ABI3BP: variants seen among roughly 807,000 people sequenced by gnomAD.
The protein encoded by ABI3BP is target of Nesh-SH3.
In ABI3BP, 216 loss-of-function variants were observed where a neutral mutation model predicts 268.6. The observed-to-expected ratio is 0.80, with a 90% CI of 0.72 to 0.90. ABI3BP has a LOEUF of 0.90. ABI3BP is among the 40% of genes least tolerant of loss of function. The pLI is 0.00. For synonymous variants in ABI3BP, 730 were observed against 730.0 expected (o/e 1.00, Z 0.00); for missense variants, 2,090 against 2,182.4 (o/e 0.96, Z 0.84).
intron 51 of ABI3BP, among the ~76,000 whole-genome samples, chr3:100,801,917 A>C (rs188514550): frequency 4.2e-4 from 64 of 152,342 alleles, no homozygotes; most frequent in Non-Finnish European, 7.8e-4. Flanking sequence ...TGGCTTGCTC[A>C]ATTCTAAACG....
At chr3:100,811,333 A>G (rs1272704290) in intron 47 of ABI3BP, 56 bp from the exon 48 acceptor site, 15 of 1,240,076 alleles carry the variant, frequency 1.2e-5, no homozygotes, top group Middle Eastern at 2.0e-4. Context: ...AAGCTATAGC[A>G]TTTTTTTGAA....
chr3:100,964,331 T>A (rs1344021250), intron 1 of ABI3BP, among the ~76,000 whole-genome samples: 1 of 152,230 alleles, frequency 6.6e-6, no homozygotes, highest in Non-Finnish European at 1.5e-5. Context: ...TATGTAAATG[T>A]CATACCTGAT....
chr3:100,960,849 C>A (rs540206362), intron 1 of ABI3BP, among the ~76,000 whole-genome samples: 2 of 152,098 alleles, frequency 1.3e-5, no homozygotes, highest in African/African-American at 2.4e-5. Context: ...CCTGAATGAG[C>A]CTGGAAGTGG....
At position 100,885,553 on chromosome 3, in the gene ABI3BP, C is replaced by G; in HGVS notation, c.679G>C (p.Asp227His). 1 of 1,561,062 alleles carries G rather than the reference C, an allele frequency of 6.4e-7. No homozygotes were observed. Among genetic ancestry groups the G allele is most frequent in the Admixed American group, 1.9e-5 (1 of 53,224 alleles). Residue 227 changes from aspartate to histidine, a missense_variant, in exon 6 of 68, where the codon GAC becomes CAC. Asp to His is a moderately conservative substitution (Grantham distance 81, BLOSUM62 -1). Transcript: ENST00000471714. ...TTACATACCACTGTGTGGTCTTGGT[C>G]ATAGGTACTTTGGATTTTCCCATTT... ...KVNGKIQSTY[D>H]QDHTVPAYVP...
chr3:100,882,867 T>G (rs1410089929), intron 6 of ABI3BP, among the ~76,000 whole-genome samples: 2 of 152,112 alleles, frequency 1.3e-5, no homozygotes, highest in Non-Finnish European at 2.9e-5. Flanking sequence ...AGGTTAAGCA[T>G]GACAGCCAAG....
Position 100,778,271 on chromosome 3 carries a change from A to G in ABI3BP, c.4333+13T>C, listed in dbSNP as rs553334814. On this transcript the variant is annotated intron_variant, in intron 59 of 67. Coordinates refer to ENST00000471714, the MANE Select transcript of ABI3BP (RefSeq NM_001375547.2). ...AATCATGGCGGGAAAAGGAAGGTAC[A>G]TGACTAACGTACCTGCACTTCCTGG... 10 of 1,611,558 alleles carry G rather than the reference A, an allele frequency of 6.2e-6. No homozygotes were observed. In the African/African-American group the frequency reaches 9.3e-5, roughly 15 times the overall value.
At chr3:100,992,908 C>A (rs41273569) in intron 1 of ABI3BP, among the ~76,000 whole-genome samples, 1 of 152,172 alleles carries the variant, frequency 6.6e-6, no homozygotes, top group South Asian at 2.1e-4. Flanking sequence ...GTTTCAGAAC[C>A]AGCTTCTTTT....
At chr3:100,911,255 T>G (rs1356592721) in intron 2 of ABI3BP, 4 of 322,478 alleles carry the variant, frequency 1.2e-5, no homozygotes, top group African/African-American at 8.9e-5. Flanking sequence ...AGGTGGAGGT[T>G]GTTGTTACAG....
chr3:100,776,118 C>T (rs1359914225), intron 59 of ABI3BP, among the ~76,000 whole-genome samples: 3 of 152,200 alleles, frequency 2.0e-5, no homozygotes, highest in Non-Finnish European at 4.4e-5. Context: ...AAAACTGGAT[C>T]CATCCCAAGG....
chr3:100,842,770 TA>T, intron 20 of ABI3BP, among the ~76,000 whole-genome samples: 1 of 152,272 alleles, frequency 6.6e-6, no homozygotes, highest in Non-Finnish European at 1.5e-5. Context: ...TATTTGGGCT[TA>T]AAAAAAGATT....
chr3:100,786,505 A>T (rs1237643093), intron 57 of ABI3BP, among the ~76,000 whole-genome samples: 1 of 152,202 alleles, frequency 6.6e-6, no homozygotes, highest in Non-Finnish European at 1.5e-5. Context: ...AATCAGTATT[A>T]TAGTGAAGGT....
intron 20 of ABI3BP, among the ~76,000 whole-genome samples, chr3:100,845,294 T>C (rs7610609): frequency 0.27 from 40,713 of 152,056 alleles, 5,805 homozygotes; most frequent in African/African-American, 0.34. Flanking sequence ...CTTCTTCCCC[T>C]GAAAACCCTG....
intron 2 of ABI3BP, chr3:100,912,293 A>AG (rs2056938514): frequency 6.4e-6 from 1 of 156,084 alleles, no homozygotes; most frequent in Non-Finnish European, 1.4e-5. Context: ...AAAAAAAAAA[A>AG]AAAAAAAAAA....
At position 100,803,272 on chromosome 3, in the gene ABI3BP, G is replaced by A. The variant is rs963079144; in HGVS notation, c.3757+1520C>T. ...GTGTTGTTACAGGGATCAAGATCAC[G>A]GGTTAGAGTTTGTATGAAAAGCAAG... On this transcript the variant is annotated intron_variant, in intron 51 of 67. Transcript: ENST00000471714. Among the ~76,000 whole-genome samples the A allele has an allele frequency of 4.1e-5, 6 of 145,350 alleles. 1 individual carries two copies. The highest frequency in any genetic ancestry group is 6.2e-5 in the Non-Finnish European group (4 of 64,198).
chr3:100,987,156 A>C (rs186368570), intron 1 of ABI3BP, among the ~76,000 whole-genome samples: 4 of 152,202 alleles, frequency 2.6e-5, no homozygotes, highest in African/African-American at 4.8e-5. Context: ...TATAAATTGC[A>C]ATCAGGGAAC....
intron 4 of ABI3BP, among the ~76,000 whole-genome samples, chr3:100,892,769 C>T (rs11715875): frequency 0.27 from 41,295 of 152,070 alleles, 6,757 homozygotes; most frequent in East Asian, 0.42. Context: ...TTGAGAAGCA[C>T]TGTTGTGCAT....
intron 52 of ABI3BP, among the ~76,000 whole-genome samples, chr3:100,796,065 A>T (rs2097336576): frequency 6.6e-6 from 1 of 152,130 alleles, no homozygotes; most frequent in Admixed American, 6.6e-5. Context: ...ACTTTGGGGA[A>T]AATTTCGAGT....
intron 2 of ABI3BP, among the ~76,000 whole-genome samples, chr3:100,924,847 A>G (rs528125978): frequency 1.3e-5 from 2 of 152,262 alleles, no homozygotes; most frequent in South Asian, 2.1e-4. Context: ...ATTGACCCAA[A>G]TTTCAATTTA....
chr3:100,837,293 G>A lies in ABI3BP; in HGVS notation c.2084-122C>T, dbSNP rs2098609033. On this transcript the variant is annotated intron_variant, in intron 26 of 67. Transcript: ENST00000471714. ...AGTTTATTCTAAATTAATATAAATT[G>A]CCTTCTTGATAGGCTTATTTATTAT... 7 of 681,500 alleles carry A rather than the reference G, an allele frequency of 1.0e-5. 1 individual carries two copies. In the South Asian group the frequency reaches 1.8e-4, roughly 18 times the overall value. 42.2% of individuals were successfully genotyped at this position (681,500 alleles called of 1,614,324 possible).
Sources: gnomAD v4.1 joint callset for allele counts (sites outside exome capture counted in the v4.1 genomes callset) on GRCh38, gnomAD v4.1.1 for gene constraint, MANE v1.5 for transcripts, NCBI Gene and HGNC (gene_info 2026-07-23, HGNC 2026-07-21) for gene names.